Variants in INSL6 observed in about 807,000 individuals in gnomAD.
INSL6 encodes the protein insulin-like peptide INSL6.
In INSL6, 16 loss-of-function variants were observed where a neutral mutation model predicts 9.4. That is an observed-to-expected ratio of 1.70 (90% CI 1.15 to 2.59). The LOEUF is 2.59. Ranked by LOEUF, INSL6 falls within the 30% of genes most tolerant of loss-of-function variation. The pLI is 0.00. For missense variants in INSL6, 391 were observed against 257.3 expected, an observed-to-expected ratio of 1.52 and a Z score of -3.56; for synonymous variants, 154 against 96.9, an observed-to-expected ratio of 1.59 and a Z score of -3.46.
intron 2 of INSL6, among the ~76,000 whole-genome samples, chr9:5,154,011 C>T (rs1162216512): frequency 1.3e-5 from 2 of 152,156 alleles, no homozygotes; most frequent in African/African-American, 4.8e-5. Context: ...GCCTGCATAG[C>T]CAAGACAATC....
chr9:5,090,623 A>G, the INSL6 span: 1 of 1,538,900 alleles, frequency 6.5e-7, no homozygotes, highest in African/African-American at 1.4e-5. Flanking sequence ...GTTGAAGTAG[A>G]CATTAGGAAA....
the INSL6 span, among the ~76,000 whole-genome samples, chr9:5,056,192 T>C: frequency 2.0e-5 from 3 of 152,140 alleles, no homozygotes; most frequent in African/African-American, 7.2e-5. Context: ...GTCTGGAATT[T>C]ATATAACAAA....
chr9:5,141,096 A>C (rs10115970), intron 2 of INSL6, among the ~76,000 whole-genome samples: 39,641 of 151,890 alleles, frequency 0.26, 5,387 homozygotes, highest in South Asian at 0.3. Flanking sequence ...ACATTTTTTT[A>C]ATCCAGTCTA....
At chr9:5,181,001 T>C (rs940177061) in intron 1 of INSL6, among the ~76,000 whole-genome samples, 5 of 152,212 alleles carry the variant, frequency 3.3e-5, no homozygotes, top group Admixed American at 6.5e-5. Flanking sequence ...CCTACTGATA[T>C]GTGCTGTCAC....
the INSL6 span, chr9:5,094,485 CCAGA>C: frequency 6.6e-6 from 1 of 152,202 alleles, no homozygotes; most frequent in Non-Finnish European, 1.5e-5. Flanking sequence ...GAGCTGTGGC[CCAGA>C]CAATTTCATA....
chr9:5,112,470 C>A, the INSL6 span: 1 of 544,822 alleles, frequency 1.8e-6, no homozygotes, highest in Non-Finnish European at 3.3e-6. Flanking sequence ...ACCCCCGGGA[C>A]CGGACCAGCC....
chr9:5,010,215 A>G, the INSL6 span, among the ~76,000 whole-genome samples: 4 of 152,116 alleles, frequency 2.6e-5, 1 homozygote, highest in Admixed American at 2.6e-4. Context: ...ATTCGTTTAT[A>G]TAAACTTTTA....
At chr9:5,105,854 A>G in the INSL6 span, among the ~76,000 whole-genome samples, 1 of 152,256 alleles carries the variant, frequency 6.6e-6, no homozygotes, top group Non-Finnish European at 1.5e-5. Context: ...AAAACTGGCT[A>G]GCCATATGTA....
the INSL6 span, among the ~76,000 whole-genome samples, chr9:5,101,787 C>T: frequency 6.6e-6 from 1 of 152,298 alleles, no homozygotes; most frequent in East Asian, 1.9e-4. Flanking sequence ...CAGCAAACTC[C>T]AAGAGACCTG....
the INSL6 span, among the ~76,000 whole-genome samples, chr9:5,027,598 T>C: frequency 6.6e-6 from 1 of 152,198 alleles, no homozygotes; most frequent in Non-Finnish European, 1.5e-5. Context: ...GATGTCTCTG[T>C]AGTATGCAAT....
the INSL6 span, among the ~76,000 whole-genome samples, chr9:5,079,503 T>G: frequency 6.6e-6 from 1 of 152,106 alleles, no homozygotes; most frequent in African/African-American, 2.4e-5. Context: ...CTTGGGTTTT[T>G]TTTTTTATCT....
At chr9:5,126,089 G>C (rs185273353) in intron 3 of INSL6, 17 of 327,886 alleles carry the variant, frequency 5.2e-5, no homozygotes, top group Non-Finnish European at 7.2e-5. Flanking sequence ...TTTAGTTCAT[G>C]TGTTTTGAGC....
chr9:5,041,281 G>GT, the INSL6 span: 6 of 1,079,444 alleles, frequency 5.6e-6, no homozygotes, highest in African/African-American at 9.3e-5. Context: ...TGGCCAAGGG[G>GT]TACACTGGTC....
intron 1 of INSL6, among the ~76,000 whole-genome samples, chr9:5,184,016 CAGA>C (rs1479525592): frequency 4.6e-5 from 7 of 152,144 alleles, no homozygotes; most frequent in Admixed American, 4.6e-4. Flanking sequence ...TTCATTATAA[CAGA>C]AGGACAAGGT....
the INSL6 span, among the ~76,000 whole-genome samples, chr9:5,032,317 T>TG: frequency 7.9e-5 from 12 of 152,308 alleles, no homozygotes; most frequent in African/African-American, 2.9e-4. Flanking sequence ...ACTCCACCTC[T>TG]GGGGGCAGGG....
In INSL6 at chr9:5,130,652, C is replaced by A. The variant is rs1401338973; in HGVS notation, c.*10+2773G>T. On this transcript the variant is annotated intron_variant, in intron 3 of 3. Coordinates refer to the INSL6 transcript ENST00000649639. ...ATTTAATAATAAAAAAGTTTAAGGTCCTCCAAATACTTGAGGTATATATTA... is the reference window on the plus strand; with the variant it reads ...ATTTAATAATAAAAAAGTTTAAGGTACTCCAAATACTTGAGGTATATATTA... Among the ~76,000 whole-genome samples the A allele has an allele frequency of 2.0e-5, 3 of 151,878 alleles. No individual in the cohort carries two copies. The South Asian group carries it at 6.2e-4, about 31-fold the overall frequency.
At chr9:5,031,965 G>C in the INSL6 span, among the ~76,000 whole-genome samples, 38 of 152,250 alleles carry the variant, frequency 2.5e-4, 1 homozygote, top group Non-Finnish European at 3.5e-4. Flanking sequence ...GCGAGGCATC[G>C]CCACACCCGG....
chr9:5,149,092 CT>C (rs1824660318), intron 2 of INSL6, among the ~76,000 whole-genome samples: 1 of 152,200 alleles, frequency 6.6e-6, no homozygotes, highest in African/African-American at 2.4e-5. Flanking sequence ...TCTGAGCTTG[CT>C]TTAACTCCAT....
chr9:4,999,567 A>C, the INSL6 span, among the ~76,000 whole-genome samples: 2 of 152,234 alleles, frequency 1.3e-5, no homozygotes, highest in African/African-American at 4.8e-5. Flanking sequence ...ATATTAACTT[A>C]AATGATCACA....
Sources: allele counts gnomAD v4.1 joint callset (sites outside exome capture counted in the v4.1 genomes callset), GRCh38; gene constraint gnomAD v4.1.1; transcripts MANE v1.5; gene names NCBI Gene and HGNC (gene_info 2026-07-23, HGNC 2026-07-21).